Variants in HHAT observed in about 807,000 individuals in gnomAD.
HHAT encodes the protein protein-cysteine N-palmitoyltransferase HHAT.
A neutral mutation model predicts 70.8 loss-of-function variants in HHAT; 47 were observed. The observed-to-expected ratio is 0.66, with a 90% CI of 0.53 to 0.85. The LOEUF (loss-of-function observed/expected upper bound fraction) is 0.85, where lower values mean the gene tolerates loss of function less well. Among genes scored for constraint, HHAT ranks in the 40% least tolerant of loss-of-function variants. The pLI is 0.00. For missense variants in HHAT, 609 were observed against 604.8 expected (o/e 1.01, Z -0.07); for synonymous variants, 228 against 247.6 (o/e 0.92, Z 0.74).
Position 210,400,465 on chromosome 1 carries a change from C to A in HHAT, c.274-3C>A. 1 of 1,603,608 alleles carries A rather than the reference C, an allele frequency of 6.2e-7. No homozygotes were observed. The highest frequency in any genetic ancestry group is 8.5e-7 in the Non-Finnish European group (1 of 1,174,712). ...CTCTCTGGATGGGCCCCACCATTTGCAGCACAGACCCTGGATTCTCATGCT... is the reference window on the plus strand; with the variant it reads ...CTCTCTGGATGGGCCCCACCATTTGAAGCACAGACCCTGGATTCTCATGCT... On this transcript the variant is annotated splice_region_variant and splice_polypyrimidine_tract_variant and intron_variant, in intron 4 of 11. Coordinates refer to ENST00000261458, the MANE Select transcript of HHAT (RefSeq NM_018194.6).
At chr1:210,410,314 C>T (rs970592532) in intron 6 of HHAT, among the ~76,000 whole-genome samples, 3 of 151,720 alleles carry the variant, frequency 2.0e-5, no homozygotes, top group Non-Finnish European at 4.4e-5. Context: ...CCTTGGCCTC[C>T]CAAAGTGCTG....
At position 210,347,625 on chromosome 1, in the gene HHAT, A is replaced by C. The variant is rs566455014; in HGVS notation, c.-43-1308A>C. ...CTAACTTTCCTATACCTTCTCTATT[A>C]CTTAGAGTATAGTCATGGCTGCCAT... On this transcript the variant is annotated intron_variant, in intron 1 of 11. Transcript: ENST00000261458. Among the ~76,000 whole-genome samples the C allele has an allele frequency of 4.9e-4, 74 of 152,294 alleles. 1 individual carries two copies. The highest frequency in any genetic ancestry group is 3.4e-3 in the Middle Eastern group (1 of 294).
intron 10 of HHAT, among the ~76,000 whole-genome samples, chr1:210,621,270 T>A (rs1396384169): frequency 6.6e-6 from 1 of 151,968 alleles, no homozygotes; most frequent in African/African-American, 2.4e-5. Flanking sequence ...AAAGGAAAAA[T>A]CACACAGGGC....
rs546302525 is a variant in HHAT at position 210,403,179 on chromosome 1, A to G, written c.469-1285A>G. ...TGTGGGGCTAGCATTTTAAGCACGT[A>G]TGTCAAAATCTGGACTTATGAGAGT... On this transcript the variant is annotated intron_variant, in intron 5 of 11. Transcript: ENST00000261458. Among the ~76,000 whole-genome samples, 4 of 152,318 alleles carry G rather than the reference A, an allele frequency of 2.6e-5. No individual in the cohort carries two copies. In the East Asian group the frequency reaches 5.8e-4, roughly 22 times the overall value.
At chr1:210,452,519 G>T (rs2093776149) in intron 7 of HHAT, among the ~76,000 whole-genome samples, 1 of 152,166 alleles carries the variant, frequency 6.6e-6, no homozygotes, top group South Asian at 2.1e-4. Context: ...TTGTTTTGAA[G>T]CAAATCCCAG....
At chr1:210,592,913 G>A (rs1358055296) in intron 10 of HHAT, among the ~76,000 whole-genome samples, 2 of 150,170 alleles carry the variant, frequency 1.3e-5, no homozygotes, top group Non-Finnish European at 1.5e-5. Context: ...AAGTTCTCGG[G>A]TGCATATGCA....
chr1:210,668,830 G>A (rs1432348968), intron 11 of HHAT, among the ~76,000 whole-genome samples: 2 of 152,092 alleles, frequency 1.3e-5, no homozygotes, highest in African/African-American at 4.8e-5. Context: ...CTGGAGTGCA[G>A]TGGTGCAATC....
At chr1:210,558,144 A>G (rs114903822) in intron 9 of HHAT, among the ~76,000 whole-genome samples, 263 of 152,280 alleles carry the variant, frequency 1.7e-3, no homozygotes, top group African/African-American at 6.1e-3. Context: ...TTCGTTACTC[A>G]GGTTTGAATT....
chr1:210,487,116 G>A (rs918059595), intron 8 of HHAT, among the ~76,000 whole-genome samples: 1 of 152,190 alleles, frequency 6.6e-6, no homozygotes. Flanking sequence ...AGGACGGGCA[G>A]GAATGAGTGT....
chr1:210,419,623 G>T (rs2092833521), intron 7 of HHAT, among the ~76,000 whole-genome samples: 1 of 152,154 alleles, frequency 6.6e-6, no homozygotes, highest in Non-Finnish European at 1.5e-5. Context: ...ACATTTCATA[G>T]ATCTTCTTAA....
At chr1:210,553,790 C>A (rs557591989) in intron 9 of HHAT, among the ~76,000 whole-genome samples, 1 of 152,196 alleles carries the variant, frequency 6.6e-6, no homozygotes, top group African/African-American at 2.4e-5. Flanking sequence ...GCCTCCTCCT[C>A]TCCCTCTCTC....
At chr1:210,370,940 A>T (rs1404575627) in intron 3 of HHAT, among the ~76,000 whole-genome samples, 1 of 152,166 alleles carries the variant, frequency 6.6e-6, no homozygotes, top group East Asian at 1.9e-4. Context: ...CGTTAGGCAG[A>T]GAGCTACAAT....
At chr1:210,473,878 A>C (rs1239153345) in intron 8 of HHAT, among the ~76,000 whole-genome samples, 1 of 152,238 alleles carries the variant, frequency 6.6e-6, no homozygotes. Context: ...TAATTCAGAC[A>C]TCCCTTCAGC....
At chr1:210,387,871 G>T (rs527451702) in intron 4 of HHAT, among the ~76,000 whole-genome samples, 1 of 152,316 alleles carries the variant, frequency 6.6e-6, no homozygotes, top group Admixed American at 6.5e-5. Context: ...TGATCAAAAA[G>T]TTGCCTGTGG....
rs533223273 is a variant in HHAT at position 210,402,571 on chromosome 1, C to T, written c.469-1893C>T. 3.3e-5 allele frequency among the ~76,000 whole-genome samples: 5 copies of T among 152,220 alleles called. No homozygotes were observed. In the South Asian group the frequency reaches 8.3e-4, roughly 25 times the overall value. On this transcript the variant is annotated intron_variant, in intron 5 of 11. Coordinates refer to ENST00000261458, the MANE Select transcript of HHAT (RefSeq NM_018194.6). ...ACAGAAAAACAGATCAGTTAGTGTC[C>T]GATACTGCTCTGAGAGCTGCTGGCT...
intron 3 of HHAT, among the ~76,000 whole-genome samples, chr1:210,374,635 G>A (rs1223081880): frequency 6.6e-6 from 1 of 151,024 alleles, no homozygotes; most frequent in Non-Finnish European, 1.5e-5. Context: ...TTTGTATAAT[G>A]GGACTTGGAG....
intron 5 of HHAT, 80 bp from the exon 6 acceptor site, chr1:210,404,384 T>C (rs1381167324): frequency 1.8e-6 from 2 of 1,109,972 alleles, no homozygotes; most frequent in Non-Finnish European, 2.7e-6. Context: ...ACGGTGGCCC[T>C]GCTGGCCAGC....
chr1:210,674,469 G>A lies in HHAT; in HGVS notation c.*90G>A. The A allele has an allele frequency of 1.1e-6, 1 of 943,986 alleles. No individual in the cohort carries two copies. The highest frequency in any genetic ancestry group is 1.7e-6 in the Non-Finnish European group (1 of 605,012). The allele number at this position is 943,986 out of a possible 1,614,324, so 58.5% of individuals were successfully genotyped here. A position where few individuals can be genotyped will look rare whatever the true frequency, so the allele number is the denominator to read the frequency against. On this transcript the variant is annotated 3_prime_UTR_variant, in exon 12 of 12. Coordinates refer to ENST00000261458, the MANE Select transcript of HHAT (RefSeq NM_018194.6). ...TCTCACTCCAGGACAGCCTCTAAGG[G>A]ATTTGATCTGCTCATCTTCAGTTGA...
intron 7 of HHAT, among the ~76,000 whole-genome samples, chr1:210,449,674 T>C (rs2093708586): frequency 1.3e-5 from 2 of 152,196 alleles, no homozygotes; most frequent in African/African-American, 4.8e-5. Flanking sequence ...AGTCCTAAAC[T>C]GTTACTAATT....
Sources: allele counts gnomAD v4.1 joint callset (sites outside exome capture counted in the v4.1 genomes callset), GRCh38; gene constraint gnomAD v4.1.1; transcripts MANE v1.5; gene names NCBI Gene and HGNC (gene_info 2026-07-23, HGNC 2026-07-21).